The following MRTFA variants were observed in gnomAD, a reference collection of about 807,000 sequenced individuals.
MRTFA encodes the protein myocardin-related transcription factor A.
Under a neutral mutation model 83.5 loss-of-function variants are expected in MRTFA, and 20 were observed. That is an observed-to-expected ratio of 0.24 (90% confidence interval 0.17 to 0.35). The LOEUF (loss-of-function observed/expected upper bound fraction) is 0.35. MRTFA is among the 10% of genes least tolerant of loss of function. MRTFA has a pLI of 1.00. For missense variants in MRTFA, 1,200 were observed against 1,224.7 expected, an observed-to-expected ratio of 0.98 and a Z score of 0.30; for synonymous variants, 659 against 541.2, an observed-to-expected ratio of 1.22 and a Z score of -3.02.
At chr22:40,437,633 G>A (rs2147104530) in intron 4 of MRTFA, among the ~76,000 whole-genome samples, 1 of 152,004 alleles carries the variant, frequency 6.6e-6, no homozygotes, top group South Asian at 2.1e-4. Context: ...CATGGTAGAG[G>A]GTGCCTGTAA....
intron 13 of MRTFA, 39 bp from the exon 14 acceptor site, chr22:40,417,085 T>C (rs764397501): frequency 1.3e-6 from 2 of 1,547,282 alleles, no homozygotes; most frequent in African/African-American, 2.7e-5. Context: ...GATAAAAATC[T>C]TGAATGGGGG....
intron 12 of MRTFA, 61 bp from the exon 13 acceptor site, chr22:40,417,554 GTA>G: frequency 2.8e-6 from 1 of 356,542 alleles, no homozygotes; most frequent in Non-Finnish European, 5.2e-6. Flanking sequence ...GACCTGCCTT[GTA>G]GGGGGCGGGG....
At chr22:40,595,216 T>C (rs966134090) in intron 1 of MRTFA, among the ~76,000 whole-genome samples, 14 of 149,662 alleles carry the variant, frequency 9.4e-5, no homozygotes, top group Non-Finnish European at 1.9e-4. Flanking sequence ...GACTCCCAGG[T>C]TGAAGCAATT....
chr22:40,410,463 G>A lies in MRTFA; in HGVS notation c.*927C>T, dbSNP rs567891015. The A allele has an allele frequency of 8.6e-5, 20 of 233,228 alleles. No individual in the cohort carries two copies. Among genetic ancestry groups the A allele is most frequent in the African/African-American group, 2.6e-4 (12 of 45,392 alleles). 14.4% of individuals were successfully genotyped at this position (233,228 alleles called of 1,614,324 possible). ...CCCACCGCAGGGTGAAGCTGGGCCC[G>A]AAGCTCCTCCTGTCCTAGGGCCACG... On this transcript the variant is annotated 3_prime_UTR_variant, in exon 15 of 15. Transcript: ENST00000355630.
intron 4 of MRTFA, among the ~76,000 whole-genome samples, chr22:40,443,284 C>G (rs1380536995): frequency 6.6e-6 from 1 of 151,734 alleles, no homozygotes; most frequent in Non-Finnish European, 1.5e-5. Flanking sequence ...ACAAAAAAAA[C>G]TTAATGTACT....
chr22:40,487,827 A>G (rs1291788700), intron 3 of MRTFA, among the ~76,000 whole-genome samples: 1 of 152,194 alleles, frequency 6.6e-6, no homozygotes, highest in African/African-American at 2.4e-5. Flanking sequence ...TAAATACCTC[A>G]TTTTGCTTAT....
At chr22:40,452,294 T>C (rs978260639) in intron 4 of MRTFA, among the ~76,000 whole-genome samples, 5 of 152,114 alleles carry the variant, frequency 3.3e-5, no homozygotes, top group African/African-American at 9.7e-5. Flanking sequence ...TGAAGACTTT[T>C]AAATCACCAC....
At chr22:40,592,652 CT>C (rs2056138711) in intron 2 of MRTFA, among the ~76,000 whole-genome samples, 1 of 151,980 alleles carries the variant, frequency 6.6e-6, no homozygotes, top group Non-Finnish European at 1.5e-5. Context: ...CCATGCCTGG[CT>C]AATTTTTTTT....
At chr22:40,516,428 AAAAAAAAAAAAAAAAGGAAAAAG>A (rs2054760078) in intron 3 of MRTFA, among the ~76,000 whole-genome samples, 1 of 119,044 alleles carries the variant, frequency 8.4e-6, no homozygotes, top group East Asian at 3.4e-4. Flanking sequence ...TCAAGAAAAA[AAAAAAAAAAAAAAAAGGAAAAAG>A]AAAAAAAAAA....
intron 3 of MRTFA, among the ~76,000 whole-genome samples, chr22:40,515,911 T>C (rs1007018397): frequency 1.8e-4 from 27 of 152,170 alleles, no homozygotes; most frequent in African/African-American, 5.3e-4. Context: ...ACAAATTCTG[T>C]ACACACACAC....
chr22:40,569,260 G>C (rs1358975469), intron 2 of MRTFA: 4 of 176,032 alleles, frequency 2.3e-5, no homozygotes, highest in African/African-American at 9.5e-5. Context: ...AGACAGCAGA[G>C]AGTAGCCATT....
At chr22:40,595,311 C>CG (rs575067416) in intron 1 of MRTFA, among the ~76,000 whole-genome samples, 12 of 151,436 alleles carry the variant, frequency 7.9e-5, no homozygotes, top group African/African-American at 2.9e-4. Context: ...TTAGTGGAGA[C>CG]GGGGTTTCAC....
chr22:40,490,884 CTT>C (rs1274469240), intron 3 of MRTFA, among the ~76,000 whole-genome samples: 1 of 152,136 alleles, frequency 6.6e-6, no homozygotes, highest in East Asian at 1.9e-4. Context: ...TGACAATTCT[CTT>C]TTATTCATAT....
rs767517879 is a variant in MRTFA at position 40,420,454 on chromosome 22, G to A, written c.1304C>T (p.Ser435Leu). The A allele has an allele frequency of 6.9e-5, 111 of 1,613,638 alleles. No homozygotes were observed. Among genetic ancestry groups the A allele is most frequent in the Non-Finnish European group, 9.2e-5 (108 of 1,180,044 alleles). ...CAGGGCTCCCGGCTTGCCAGTCAGT[G>A]AGGTGCTGTTCTGACGTGCCAGCCC... The change falls in exon 11 of 15, where the codon TCA becomes TTA. Residue 435 changes from serine (S) to leucine (L), a missense_variant. Physicochemically the swap from Ser to Leu is moderately radical, Grantham distance 145 (BLOSUM62 -2). Transcript: ENST00000355630.
At chr22:40,475,764 G>A (rs2053984720) in intron 3 of MRTFA, among the ~76,000 whole-genome samples, 1 of 152,188 alleles carries the variant, frequency 6.6e-6, no homozygotes, top group South Asian at 2.1e-4. Context: ...TATCATAAGA[G>A]CAGAAAGATG....
chr22:40,471,681 G>A (rs1017110436), intron 3 of MRTFA, among the ~76,000 whole-genome samples: 5 of 152,012 alleles, frequency 3.3e-5, no homozygotes, highest in East Asian at 3.9e-4. Flanking sequence ...TCAGGAGTTC[G>A]AGACCAGCCT....
At chr22:40,525,123 T>C (rs906809027) in intron 3 of MRTFA, among the ~76,000 whole-genome samples, 5 of 152,140 alleles carry the variant, frequency 3.3e-5, no homozygotes, top group African/African-American at 4.8e-5. Flanking sequence ...ATAAGCTTTA[T>C]TGGAATACAA....
chr22:40,527,484 G>A (rs972333314), intron 3 of MRTFA, among the ~76,000 whole-genome samples: 2 of 151,800 alleles, frequency 1.3e-5, no homozygotes, highest in African/African-American at 2.4e-5. Flanking sequence ...TGGGCCAGGC[G>A]CAGTGGCTCA....
chr22:40,580,679 T>C (rs901866732), intron 2 of MRTFA, among the ~76,000 whole-genome samples: 2 of 152,208 alleles, frequency 1.3e-5, no homozygotes, highest in African/African-American at 4.8e-5. Context: ...CCTTCAGAAG[T>C]AAATATCCTG....
Sources: gnomAD v4.1 joint callset for allele counts (sites outside exome capture counted in the v4.1 genomes callset) on GRCh38, gnomAD v4.1.1 for gene constraint, MANE v1.5 for transcripts, NCBI Gene and HGNC (gene_info 2026-07-23, HGNC 2026-07-21) for gene names.